Variants in COMMD10 observed in about 807,000 individuals in gnomAD.
COMMD10 encodes COMM domain-containing protein 10.
In COMMD10, 33 loss-of-function variants were observed where a neutral mutation model predicts 28.9. The ratio of observed to expected loss-of-function variants is 1.14; its 90% CI spans 0.87 to 1.53. The LOEUF is 1.53. COMMD10 is among the 40% of genes most tolerant of loss of function. COMMD10 has a pLI of 0.00. For synonymous variants in COMMD10, 110 were observed against 81.7 expected (o/e 1.35, Z -1.87); for missense variants, 310 against 233.4 (o/e 1.33, Z -2.14).
chr5:116,281,759 A>G (rs1751074712), intron 5 of COMMD10, among the ~76,000 whole-genome samples: 1 of 151,896 alleles, frequency 6.6e-6, no homozygotes, highest in Admixed American at 6.6e-5. Context: ...TGATTCATGT[A>G]ATGCATGTGC....
At chr5:116,141,715 A>T (rs1039571036) in intron 5 of COMMD10, among the ~76,000 whole-genome samples, 5 of 151,816 alleles carry the variant, frequency 3.3e-5, no homozygotes, top group Admixed American at 2.6e-4. Flanking sequence ...TGGCTGGGAA[A>T]GTGGGAGCAC....
At chr5:116,208,140 A>G (rs1308695956) in intron 5 of COMMD10, among the ~76,000 whole-genome samples, 1 of 152,118 alleles carries the variant, frequency 6.6e-6, no homozygotes, top group African/African-American at 2.4e-5. Context: ...CTTAAATAAG[A>G]TAATGTATGG....
chr5:116,264,807 A>G (rs1444658314), intron 5 of COMMD10, among the ~76,000 whole-genome samples: 1 of 151,900 alleles, frequency 6.6e-6, no homozygotes. Flanking sequence ...AATGCAAAGT[A>G]CGGTCAGTTC....
At chr5:116,186,779 T>G (rs538444223) in intron 5 of COMMD10, among the ~76,000 whole-genome samples, 1 of 152,184 alleles carries the variant, frequency 6.6e-6, no homozygotes, top group Non-Finnish European at 1.5e-5. Context: ...GTGCATCAGT[T>G]GTGTCCTTGG....
intron 5 of COMMD10, among the ~76,000 whole-genome samples, chr5:116,160,860 C>A (rs182426702): frequency 9.5e-4 from 144 of 152,210 alleles, no homozygotes; most frequent in Admixed American, 9.4e-3. Context: ...CAGTGTGATT[C>A]AGTACAATTG....
At chr5:116,254,488 G>T (rs902967353) in intron 5 of COMMD10, among the ~76,000 whole-genome samples, 1 of 150,836 alleles carries the variant, frequency 6.6e-6, no homozygotes, top group East Asian at 1.9e-4. Flanking sequence ...AGAGATTCTG[G>T]TATGTTGTGT....
At chr5:116,131,374 G>A (rs927446778) in intron 4 of COMMD10, among the ~76,000 whole-genome samples, 1 of 151,530 alleles carries the variant, frequency 6.6e-6, no homozygotes, top group African/African-American at 2.4e-5. Context: ...TGTGTGACAG[G>A]TGGGAGGGGT....
At chr5:116,109,733 T>C (rs568928877) in intron 4 of COMMD10, among the ~76,000 whole-genome samples, 1 of 152,358 alleles carries the variant, frequency 6.6e-6, no homozygotes, top group South Asian at 2.1e-4. Flanking sequence ...TGATTTTGTG[T>C]TGTGCAGCTT....
chr5:116,180,527 A>G (rs1467666770), intron 5 of COMMD10, among the ~76,000 whole-genome samples: 4 of 152,088 alleles, frequency 2.6e-5, no homozygotes, highest in Admixed American at 2.6e-4. Context: ...TCATATTTTT[A>G]ATAATAGTTG....
intron 5 of COMMD10, among the ~76,000 whole-genome samples, chr5:116,162,607 T>G (rs1335632214): frequency 6.6e-6 from 1 of 152,224 alleles, no homozygotes; most frequent in Non-Finnish European, 1.5e-5. Context: ...TCATTCTCTA[T>G]AACTGAGCTT....
chr5:116,191,966 G>T (rs879386238), intron 5 of COMMD10, among the ~76,000 whole-genome samples: 1 of 151,290 alleles, frequency 6.6e-6, no homozygotes, highest in East Asian at 2.0e-4. Flanking sequence ...GAGACACATA[G>T]ATGGTTCACA....
chr5:116,183,528 G>A (rs1748042310), intron 5 of COMMD10, among the ~76,000 whole-genome samples: 1 of 151,920 alleles, frequency 6.6e-6, no homozygotes, highest in Admixed American at 6.6e-5. Context: ...TGAATTATAG[G>A]CCTCCTTGAA....
At chr5:116,104,941 CCTTT>C (rs1022311225) in intron 4 of COMMD10, among the ~76,000 whole-genome samples, 1 of 152,240 alleles carries the variant, frequency 6.6e-6, no homozygotes, top group South Asian at 2.1e-4. Context: ...AATTGAATAT[CCTTT>C]CTTTCTTTCT....
At chr5:116,132,947 T>C (rs1751907287) in intron 4 of COMMD10, among the ~76,000 whole-genome samples, 1 of 152,136 alleles carries the variant, frequency 6.6e-6, no homozygotes, top group African/African-American at 2.4e-5. Context: ...AACAGAACTG[T>C]ATCTTTATTT....
rs777037023 is a variant in COMMD10 at position 116,291,605 on chromosome 5, A to T, written c.570+29A>T. On this transcript the variant is annotated intron_variant, in intron 6 of 6. Transcript: ENST00000274458. ...TGTATTTTTAAAATAATTTTCTAAT[A>T]TGTGGAGTTTTTTTCATAATATTTT... 3 of 1,268,548 alleles carry T rather than the reference A, an allele frequency of 2.4e-6. No individual in the cohort carries two copies. In the Admixed American group the frequency reaches 6.3e-5, roughly 26 times the overall value. 78.6% of individuals were successfully genotyped at this position (1,268,548 alleles called of 1,614,324 possible). A position where few individuals can be genotyped will look rare whatever the true frequency, so the allele number is the denominator to read the frequency against.
chr5:116,141,186 C>A (rs1213316305), intron 5 of COMMD10, among the ~76,000 whole-genome samples: 6 of 151,270 alleles, frequency 4.0e-5, no homozygotes, highest in African/African-American at 1.5e-4. Context: ...AGAGACAATT[C>A]TTTCGTTATT....
intron 5 of COMMD10, among the ~76,000 whole-genome samples, chr5:116,274,667 C>T (rs1750853954): frequency 6.6e-6 from 1 of 151,754 alleles, no homozygotes; most frequent in South Asian, 2.1e-4. Flanking sequence ...CAGTCCTTGT[C>T]TCATTTGGAT....
intron 4 of COMMD10, among the ~76,000 whole-genome samples, chr5:116,109,363 C>T (rs1750964191): frequency 6.6e-6 from 1 of 152,140 alleles, no homozygotes; most frequent in East Asian, 1.9e-4. Context: ...GTGGGTGGAT[C>T]ACCACTCCTG....
At chr5:116,152,758 G>C (rs540640694) in intron 5 of COMMD10, among the ~76,000 whole-genome samples, 1 of 151,906 alleles carries the variant, frequency 6.6e-6, no homozygotes, top group Non-Finnish European at 1.5e-5. Context: ...ATTTTCCTTT[G>C]GTTATTTTTG....
Sources: gnomAD v4.1 joint callset for allele counts (sites outside exome capture counted in the v4.1 genomes callset) on GRCh38, gnomAD v4.1.1 for gene constraint, MANE v1.5 for transcripts, NCBI Gene and HGNC (gene_info 2026-07-23, HGNC 2026-07-21) for gene names.